Variants in NAV3 observed in about 807,000 individuals in gnomAD.
The protein encoded by NAV3 is pore membrane and/or filament interacting like protein 1.
A neutral mutation model predicts 244.7 loss-of-function variants in NAV3; 87 were observed. The observed-to-expected ratio is 0.36, with a 90% CI of 0.30 to 0.42. NAV3 has a LOEUF of 0.42. Among genes scored for constraint, NAV3 ranks in the 20% least tolerant of loss-of-function variants. The pLI, the probability that NAV3 is intolerant of heterozygous loss-of-function variation, is 1.00. For synonymous variants in NAV3, 1,126 were observed against 1,042.2 expected, an observed-to-expected ratio of 1.08 and a Z score of -1.55; for missense variants, 2,663 against 2,893.3, an observed-to-expected ratio of 0.92 and a Z score of 1.83.
At chr12:77,614,077 T>A (rs1269539644) in intron 2 of NAV3, among the ~76,000 whole-genome samples, 6 of 44,072 alleles carry the variant, frequency 1.4e-4, no homozygotes, top group Non-Finnish European at 1.4e-4. Flanking sequence ...TTTCTCTCTT[T>A]TTTTTTTTTT....
intron 2 of NAV3, among the ~76,000 whole-genome samples, chr12:77,632,625 G>A (rs1030503099): frequency 2.0e-5 from 3 of 152,032 alleles, no homozygotes; most frequent in Admixed American, 2.0e-4. Context: ...GATTTGAGAG[G>A]GGACACAGCC....
chr12:77,836,395 C>T (rs1481668976), intron 1 of NAV3, among the ~76,000 whole-genome samples: 1 of 152,094 alleles, frequency 6.6e-6, no homozygotes, highest in Non-Finnish European at 1.5e-5. Context: ...TCACTCATTC[C>T]TTCCCTCTCA....
Position 78,007,247 on chromosome 12 carries a change from C to G in NAV3, c.1709C>G (p.Thr570Ser), listed in dbSNP as rs767617560. ...SPSQSLSKPI[T>S]MEKASASSCP... The stretch of plus-strand genomic sequence containing the variant: ...TCCCAGTCCTTATCTAAGCCTATAA[C>G]CATGGAGAAAGCAAGTGCTTCTAGT... Residue 570 changes from threonine (T) to serine (S), a missense_variant, in exon 8 of 40, where the codon ACC becomes AGC. Around this residue, in one of 6 missense-constraint regions of NAV3, gnomAD observed 1,521 missense variants for 1,497.0 expected, o/e 1.02. Coordinates refer to ENST00000397909, the MANE Select transcript of NAV3 (RefSeq NM_001024383.2). The G allele has an allele frequency of 6.2e-7, 1 of 1,614,180 alleles. No individual in the cohort carries two copies. The highest frequency in any genetic ancestry group is 2.2e-5 in the East Asian group (1 of 44,864).
At position 77,683,286 on chromosome 12, in the gene NAV3, G is replaced by A. The variant is rs138556138; in HGVS notation, c.72+111020G>A. On this transcript the variant is annotated intron_variant, in intron 2 of 8. Coordinates refer to the NAV3 transcript ENST00000550042. ...TAAAGATACTGTCTTTTTCCATTGA[G>A]TATTCTTGGCATCTTTCAAAAATTA... 1.4e-4 allele frequency among the ~76,000 whole-genome samples: 21 copies of A among 151,992 alleles called. No homozygotes were observed. In the East Asian group the frequency reaches 4.1e-3, roughly 29 times the overall value.
chr12:78,134,980 C>T (rs1323663766), intron 18 of NAV3, among the ~76,000 whole-genome samples: 1 of 152,034 alleles, frequency 6.6e-6, no homozygotes, highest in Non-Finnish European at 1.5e-5. Context: ...TCTTGTGTGT[C>T]TCTTGGCTTC....
rs528610011 is a variant in NAV3 at position 77,980,692 on chromosome 12, A to G, written c.671+11990A>G. ...TGTATTGAGATGTAATTTTACTCCA[A>G]ACTAAAAATTGAAAATGGGAAACAT... On this transcript the variant is annotated intron_variant, in intron 5 of 39. Coordinates refer to ENST00000397909, the MANE Select transcript of NAV3 (RefSeq NM_001024383.2). Among the ~76,000 whole-genome samples the G allele has an allele frequency of 3.9e-5, 6 of 152,286 alleles. No individual in the cohort carries two copies. The East Asian group carries it at 1.2e-3, about 29-fold the overall frequency.
chr12:77,710,110 A>T (rs938034106), intron 2 of NAV3, among the ~76,000 whole-genome samples: 5 of 152,220 alleles, frequency 3.3e-5, no homozygotes, highest in Non-Finnish European at 5.9e-5. Context: ...CTAATAAAAA[A>T]AGCCAATGAT....
At chr12:78,058,921 C>T (rs1883904303) in intron 11 of NAV3, 75 bp from the exon 12 acceptor site, 11 of 1,318,604 alleles carry the variant, frequency 8.3e-6, no homozygotes, top group Admixed American at 5.3e-5. Flanking sequence ...TTGTGGACAC[C>T]GTTTGTTTAT....
chr12:77,616,730 G>GCACACA (rs147977960), intron 2 of NAV3, among the ~76,000 whole-genome samples: 8 of 148,038 alleles, frequency 5.4e-5, no homozygotes, highest in East Asian at 2.0e-4. Context: ...ACACAGGCGC[G>GCACACA]CACACACACA....
At chr12:77,676,523 C>T (rs1385528910) in intron 2 of NAV3, among the ~76,000 whole-genome samples, 3 of 149,188 alleles carry the variant, frequency 2.0e-5, no homozygotes, top group Non-Finnish European at 4.4e-5. Flanking sequence ...TTGCAGAACT[C>T]GTCCTGTGTG....
At chr12:78,185,520 A>G in intron 30 of NAV3, 81 bp from the exon 31 acceptor site, 2 of 1,198,290 alleles carry the variant, frequency 1.7e-6, no homozygotes, top group African/African-American at 1.5e-5. Context: ...ATATAAAACT[A>G]TGAGGGAGAA....
chr12:78,063,853 A>C (rs1372595947), intron 12 of NAV3, among the ~76,000 whole-genome samples: 1 of 152,162 alleles, frequency 6.6e-6, no homozygotes, highest in East Asian at 1.9e-4. Context: ...TCTGAAGTGC[A>C]CTGGGAATGT....
chr12:78,048,678 G>T (rs571543085), intron 9 of NAV3, among the ~76,000 whole-genome samples: 2 of 152,212 alleles, frequency 1.3e-5, no homozygotes, highest in Admixed American at 6.5e-5. Flanking sequence ...GTGTCTCCTC[G>T]TCAGGAGGCA....
intron 1 of NAV3, among the ~76,000 whole-genome samples, chr12:77,923,757 A>G (rs1484904645): frequency 6.6e-6 from 1 of 152,178 alleles, no homozygotes; most frequent in African/African-American, 2.4e-5. Flanking sequence ...CAGAATCAGC[A>G]GTAAAAAATG....
At chr12:78,083,124 T>G (rs1256375230) in intron 12 of NAV3, among the ~76,000 whole-genome samples, 1 of 152,224 alleles carries the variant, frequency 6.6e-6, no homozygotes, top group Non-Finnish European at 1.5e-5. Flanking sequence ...AGAGCCTTCT[T>G]GCTAGTGGGG....
chr12:77,609,434 C>T (rs1870813485), intron 2 of NAV3, among the ~76,000 whole-genome samples: 1 of 152,016 alleles, frequency 6.6e-6, no homozygotes, highest in Non-Finnish European at 1.5e-5. Flanking sequence ...TTTATTCCTT[C>T]TAGTTGATTC....
intron 12 of NAV3, among the ~76,000 whole-genome samples, chr12:78,112,236 A>T (rs1955132886): frequency 6.6e-6 from 1 of 152,154 alleles, no homozygotes; most frequent in African/African-American, 2.4e-5. Flanking sequence ...TTGCCAGAAG[A>T]TTGTTTTTCT....
rs755396561 is a variant in NAV3 at position 78,189,986 on chromosome 12, G to A, written c.6058G>A (p.Val2020Ile). 9.9e-6 allele frequency: 16 copies of A among 1,608,660 alleles called. No homozygotes were observed. The highest frequency in any genetic ancestry group is 4.3e-6 in the Non-Finnish European group (5 of 1,175,856). The change falls in exon 34 of 40, where the codon GTA becomes ATA. Residue 2020 changes from valine (V) to isoleucine (I), a missense_variant and splice_region_variant. Physicochemically the swap from Val to Ile is conservative, Grantham distance 29. Around this residue, in one of 6 missense-constraint regions of NAV3, gnomAD observed 543 missense variants for 672.4 expected, o/e 0.81. Coordinates refer to ENST00000397909, the MANE Select transcript of NAV3 (RefSeq NM_001024383.2). ...TATTTTTTTGTTTCTTCTTTCAGGGGTAGAAGAAAATAGTTTGGACAGTTT... is the reference window on the plus strand; with the variant it reads ...TATTTTTTTGTTTCTTCTTTCAGGGATAGAAGAAAATAGTTTGGACAGTTT... ...NNIITVNLKG[V>I]EENSLDSFVF...
At chr12:77,755,017 GTT>G (rs1248454784) in intron 2 of NAV3, among the ~76,000 whole-genome samples, 1 of 152,108 alleles carries the variant, frequency 6.6e-6, no homozygotes, top group Admixed American at 6.6e-5. Context: ...ATCGGGAAAA[GTT>G]TTTTTGCTGA....
Sources: allele counts gnomAD v4.1 joint callset (sites outside exome capture counted in the v4.1 genomes callset), GRCh38; gene constraint gnomAD v4.1.1; regional missense constraint gnomAD v4.1.1; transcripts MANE v1.5; gene names NCBI Gene and HGNC (gene_info 2026-07-23, HGNC 2026-07-21).